The following UBE2L3 variants were observed in gnomAD, a reference collection of about 807,000 sequenced individuals.
The protein encoded by UBE2L3 is ubiquitin conjugating enzyme E2 L3, also known as ubiquitin-conjugating enzyme E2 L3.
Under a neutral mutation model 17.8 loss-of-function variants are expected in UBE2L3, and 1 was observed. That is an observed-to-expected ratio of 0.06 (90% confidence interval 0.02 to 0.27). UBE2L3 has a LOEUF of 0.27. UBE2L3 is among the 10% of genes least tolerant of loss of function. The pLI, the probability that UBE2L3 is intolerant of heterozygous loss-of-function variation, is 1.00. For synonymous variants in UBE2L3, 44 were observed against 68.5 expected, an observed-to-expected ratio of 0.64 and a Z score of 1.76; for missense variants, 40 against 192.6, an observed-to-expected ratio of 0.21 and a Z score of 4.69.
chr22:21,586,839 G>T (rs1455433812), intron 1 of UBE2L3, among the ~76,000 whole-genome samples: 3 of 147,570 alleles, frequency 2.0e-5, no homozygotes, highest in African/African-American at 7.5e-5. Context: ...GAGTGTTGAA[G>T]CGTTGGAATT....
intron 1 of UBE2L3, 48 bp from the exon 2 acceptor site, chr22:21,592,813 T>C: frequency 7.0e-7 from 1 of 1,432,202 alleles, no homozygotes; most frequent in South Asian, 1.1e-5. Flanking sequence ...TCTTAATATG[T>C]GGTGCTTTCC....
At chr22:21,563,560 C>T (rs537150153), upstream of UBE2L3, among the ~76,000 whole-genome samples, 1 of 116,430 alleles carries the variant, frequency 8.6e-6, no homozygotes, top group South Asian at 3.0e-4. Context: ...GACTCCGTCT[C>T]AAAAAAAAAA....
At chr22:21,621,342 A>G (rs1042237097) in intron 3 of UBE2L3, among the ~76,000 whole-genome samples, 173 bp from the exon 4 acceptor site, 3 of 152,218 alleles carry the variant, frequency 2.0e-5, no homozygotes, top group African/African-American at 7.2e-5. Flanking sequence ...CAGAGGAAAG[A>G]TGAGTTTTCT....
chr22:21,602,869 G>A (rs1215152671), intron 2 of UBE2L3, among the ~76,000 whole-genome samples: 2 of 152,246 alleles, frequency 1.3e-5, no homozygotes, highest in African/African-American at 2.4e-5. Context: ...GATACCTGCA[G>A]ATGTGGGGGG....
intron 1 of UBE2L3, among the ~76,000 whole-genome samples, chr22:21,557,198 C>T (rs1926263338): frequency 1.3e-5 from 2 of 152,252 alleles, no homozygotes; most frequent in Non-Finnish European, 2.9e-5. Flanking sequence ...GGCTGCATCT[C>T]TATAAAAAAA....
At chr22:21,611,149 T>G in intron 3 of UBE2L3, 106 bp downstream of exon 3, 1 of 1,324,542 alleles carries the variant, frequency 7.5e-7, no homozygotes, top group Non-Finnish European at 1.0e-6. Flanking sequence ...ATCTTTCAGG[T>G]ACACGAAAAA....
chr22:21,571,382 G>A (rs1028646786), intron 1 of UBE2L3, among the ~76,000 whole-genome samples: 3 of 152,116 alleles, frequency 2.0e-5, no homozygotes, highest in Non-Finnish European at 2.9e-5. Flanking sequence ...ATTTAGAGGG[G>A]TGTGTGTGTA....
chr22:21,615,351 T>C (rs8137950), intron 3 of UBE2L3, among the ~76,000 whole-genome samples: 39,656 of 151,366 alleles, frequency 0.26, 5,747 homozygotes, highest in East Asian at 0.49. Flanking sequence ...GTCAGGAGAT[T>C]GAGACCATCC....
intron 1 of UBE2L3, among the ~76,000 whole-genome samples, chr22:21,568,808 G>A (rs758012342): frequency 6.6e-6 from 1 of 152,172 alleles, no homozygotes; most frequent in Non-Finnish European, 1.5e-5. Context: ...AGGCGGAGCA[G>A]TGCTTGGTAG....
chr22:21,568,589 C>T lies in UBE2L3; in HGVS notation c.27+818C>T, dbSNP rs535652913. ...GATCTTGAATGCAGCAGGGTGCTTT[C>T]TCGCTAATTGGCACCTTTTGGTGAG... On this transcript the variant is annotated intron_variant, in intron 1 of 3. Transcript: ENST00000342192. Among the ~76,000 whole-genome samples, 31 of 152,280 alleles carry T rather than the reference C, an allele frequency of 2.0e-4. 1 individual carries two copies. The South Asian group carries it at 6.2e-3, about 31-fold the overall frequency.
Position 21,567,715 on chromosome 22 carries a change from T to G in UBE2L3, c.-30T>G. ...CAGCCGCCCGGCCGGCCGCGATGCA[T>G]TCTGGGGAAGGAGCAGCACCAAATC... On this transcript the variant is annotated 5_prime_UTR_variant, in exon 1 of 4. Coordinates refer to ENST00000342192, the MANE Select transcript of UBE2L3 (RefSeq NM_003347.4). 1 of 1,574,814 alleles carries G rather than the reference T, an allele frequency of 6.3e-7. No homozygotes were observed. The highest frequency in any genetic ancestry group is 8.6e-7 in the Non-Finnish European group (1 of 1,161,470).
At chr22:21,606,331 GGTGTGT>G (rs1208292662) in intron 2 of UBE2L3, among the ~76,000 whole-genome samples, 2 of 151,100 alleles carry the variant, frequency 1.3e-5, no homozygotes, top group South Asian at 4.3e-4. Flanking sequence ...GTGTGTGTGT[GGTGTGT>G]GTGTGTGTGT....
At chr22:21,614,098 T>C (rs1388965869) in intron 3 of UBE2L3, among the ~76,000 whole-genome samples, 3 of 152,198 alleles carry the variant, frequency 2.0e-5, no homozygotes, top group Non-Finnish European at 4.4e-5. Context: ...TCAGGCCCAC[T>C]TGGGCCTGCT....
intron 1 of UBE2L3, among the ~76,000 whole-genome samples, chr22:21,562,483 T>C (rs1238136733): frequency 1.3e-5 from 2 of 151,794 alleles, no homozygotes; most frequent in Non-Finnish European, 2.9e-5. Flanking sequence ...GCCATTCTCC[T>C]GCCTCAACCT....
chr22:21,580,532 C>G (rs771905595), intron 1 of UBE2L3, among the ~76,000 whole-genome samples: 1 of 147,902 alleles, frequency 6.8e-6, no homozygotes, highest in African/African-American at 2.5e-5. Flanking sequence ...TTACTGCAGC[C>G]TCTGCCTCCT....
chr22:21,564,329 G>C (rs1313597687), upstream of UBE2L3, among the ~76,000 whole-genome samples: 2 of 152,120 alleles, frequency 1.3e-5, no homozygotes, highest in Non-Finnish European at 2.9e-5. Context: ...TCACCACAAG[G>C]TTACTTCTGA....
At position 21,614,692 on chromosome 22, in the gene UBE2L3, A is replaced by G. The variant is rs540716189; in HGVS notation, c.310+3649A>G. The G allele has an allele frequency of 6.1e-6, 8 of 1,317,316 alleles. No homozygotes were observed. The East Asian group carries it at 2.8e-4, about 46-fold the overall frequency. 81.6% of individuals were successfully genotyped at this position (1,317,316 alleles called of 1,614,324 possible). On this transcript the variant is annotated intron_variant, in intron 3 of 3. Coordinates refer to ENST00000342192, the MANE Select transcript of UBE2L3 (RefSeq NM_003347.4). ...TAAGCATAATGGAAGAAATAGTAATATGAAAAGATGCTCATATGACCCAGC... is the reference window on the plus strand; with the variant it reads ...TAAGCATAATGGAAGAAATAGTAATGTGAAAAGATGCTCATATGACCCAGC...
chr22:21,601,187 C>T (rs1928837993), intron 2 of UBE2L3, among the ~76,000 whole-genome samples: 1 of 151,948 alleles, frequency 6.6e-6, no homozygotes, highest in Non-Finnish European at 1.5e-5. Context: ...ATCAATCAAT[C>T]AATCAATCAT....
chr22:21,582,272 GA>G lies in UBE2L3; in HGVS notation c.28-10586del, dbSNP rs529903182. Among the ~76,000 whole-genome samples the G allele has an allele frequency of 2.1e-3, 324 of 151,922 alleles. 1 individual carries two copies. Among genetic ancestry groups the G allele is most frequent in the African/African-American group, 7.6e-3 (316 of 41,458 alleles). The stretch of plus-strand genomic sequence containing the variant: ...TTTTAGGAGCTTGTTTCTAGCTGTA[GA>G]AATGACACTGCATTCATCAAGGCTC... On this transcript the variant is annotated intron_variant, in intron 1 of 3. Transcript: ENST00000342192.
Sources: allele counts gnomAD v4.1 joint callset (sites outside exome capture counted in the v4.1 genomes callset), GRCh38; gene constraint gnomAD v4.1.1; transcripts MANE v1.5; gene names NCBI Gene and HGNC (gene_info 2026-07-23, HGNC 2026-07-21).